Variants in TPPP observed in about 807,000 individuals in gnomAD.
The protein encoded by TPPP is tubulin polymerization-promoting protein.
A neutral mutation model predicts 15.5 loss-of-function variants in TPPP; 6 were observed. The ratio of observed to expected loss-of-function variants is 0.39; its 90% CI spans 0.21 to 0.77. The LOEUF is 0.77. Among genes scored for constraint, TPPP ranks in the 30% least tolerant of loss-of-function variants. The pLI, the probability that TPPP is intolerant of heterozygous loss-of-function variation, is 0.42. For synonymous variants in TPPP, 146 were observed against 133.9 expected (o/e 1.09, Z -0.63); for missense variants, 269 against 307.2 (o/e 0.88, Z 0.93).
chr5:665,140 C>A lies in TPPP; in HGVS notation c.622G>T (p.Ala208Ser). The change falls in exon 4 of 4, where the codon GCA becomes TCA. Residue 208 changes from alanine (A) to serine (S), a missense_variant. Physicochemically the swap from Ala to Ser is moderately conservative, Grantham distance 99. Coordinates refer to ENST00000360578, the MANE Select transcript of TPPP (RefSeq NM_007030.3). ...TGCACCTTCTGGTCGTAGGTGCCTG[C>A]GTGCTTGTAGCCGGACACATAGCCT... ...ESGYVSGYKH[A>S]GTYDQKVQGG... is the part of the protein sequence containing the mutation. The A allele has an allele frequency of 6.2e-7, 1 of 1,612,834 alleles. No individual in the cohort carries two copies. Among genetic ancestry groups the A allele is most frequent in the African/African-American group, 1.3e-5 (1 of 75,058 alleles).
intron 2 of TPPP, among the ~76,000 whole-genome samples, chr5:674,266 T>A (rs1740328272): frequency 6.6e-6 from 1 of 150,804 alleles, no homozygotes; most frequent in South Asian, 2.1e-4. Context: ...CGCCCGAGCC[T>A]GCTGAGGAGC....
At chr5:672,067 C>A (rs1740241952) in intron 2 of TPPP, among the ~76,000 whole-genome samples, 1 of 152,252 alleles carries the variant, frequency 6.6e-6, no homozygotes, top group Non-Finnish European at 1.5e-5. Flanking sequence ...ACACTGTGAC[C>A]TGGATTCTCT....
upstream of TPPP, among the ~76,000 whole-genome samples, chr5:698,322 G>A (rs1342548059): frequency 6.6e-6 from 1 of 152,022 alleles, no homozygotes; most frequent in African/African-American, 2.4e-5. Context: ...AGAGCAATCA[G>A]GCAAGAGAAA....
intron 2 of TPPP, among the ~76,000 whole-genome samples, 162 bp from the exon 3 acceptor site, chr5:666,285 A>G (rs982299276): frequency 6.6e-6 from 1 of 152,168 alleles, no homozygotes; most frequent in Non-Finnish European, 1.5e-5. Context: ...CTGTCTTGGA[A>G]GAAAGCTTGG....
chr5:665,525 G>A (rs2126864668), intron 3 of TPPP, among the ~76,000 whole-genome samples: 1 of 152,172 alleles, frequency 6.6e-6, no homozygotes, highest in East Asian at 1.9e-4. Context: ...TCCACCTGGT[G>A]TTTATGTAGT....
intron 2 of TPPP, among the ~76,000 whole-genome samples, chr5:666,627 C>T (rs1739927609): frequency 1.3e-5 from 2 of 152,232 alleles, no homozygotes; most frequent in African/African-American, 4.8e-5. Flanking sequence ...GGCTCCAAAA[C>T]CCGCCAGGCG....
chr5:673,293 T>C (rs413666), intron 2 of TPPP, among the ~76,000 whole-genome samples: 78,667 of 151,942 alleles, frequency 0.52, 20,501 homozygotes, highest in East Asian at 0.58. Flanking sequence ...TTTAGGCCCC[T>C]TGCTGCTGTA....
At chr5:670,688 G>A (rs925284981) in intron 2 of TPPP, among the ~76,000 whole-genome samples, 8 of 152,144 alleles carry the variant, frequency 5.3e-5, no homozygotes, top group South Asian at 2.1e-4. Flanking sequence ...CAGTGGTCCC[G>A]TTCCAGCAGG....
In TPPP at chr5:665,073, C is replaced by A; in HGVS notation, c.*29G>T. On this transcript the variant is annotated 3_prime_UTR_variant, in exon 4 of 4. Transcript: ENST00000360578. ...GACAGAGTCCCTGCTCTGGGGACAC[C>A]GGCAGTGCCGCGAGGCATGGAGCGG... 6.3e-7 allele frequency: 1 copy of A among 1,596,754 alleles called. No homozygotes were observed. Among genetic ancestry groups the A allele is most frequent in the Non-Finnish European group, 8.5e-7 (1 of 1,175,488 alleles).
chr5:670,489 C>T (rs1388169048), intron 2 of TPPP, among the ~76,000 whole-genome samples: 1 of 152,096 alleles, frequency 6.6e-6, no homozygotes, highest in Non-Finnish European at 1.5e-5. Context: ...AGGGCACCAA[C>T]CTCTGGGATC....
In TPPP at chr5:677,846, T is replaced by C; in HGVS notation, c.215A>G (p.His72Arg). 1 of 1,612,596 alleles carries C rather than the reference T, an allele frequency of 6.2e-7. No individual in the cohort carries two copies. The change falls in exon 2 of 4, where the codon CAC (histidine) becomes CGC (arginine). Residue 72 changes from histidine (H) to arginine (R), a missense_variant. By Grantham distance (29) the His-to-Arg change is conservative. Coordinates refer to ENST00000360578, the MANE Select transcript of TPPP (RefSeq NM_007030.3). ...GCACAGCTTCGACCAGTTCTTGCCG[T>C]GCATCTCCCTCCCGGTGGCCCTGGC... ...GDARATGREM[H>R]GKNWSKLCKD...
Position 664,813 on chromosome 5 carries a change from C to T in TPPP, c.*289G>A, listed in dbSNP as rs1441662291. 6 of 389,776 alleles carry T rather than the reference C, an allele frequency of 1.5e-5. No individual in the cohort carries two copies. Among genetic ancestry groups the T allele is most frequent in the Non-Finnish European group, 2.8e-5 (6 of 214,014 alleles). 24.1% of individuals were successfully genotyped at this position (389,776 alleles called of 1,614,324 possible). A position where few individuals can be genotyped will look rare whatever the true frequency, so the allele number is the denominator to read the frequency against. ...AAACGCCCCTTTGACCTGCAAACCA[C>T]GTGCCCAGTGTGGTGTGATCCGCGA... On this transcript the variant is annotated 3_prime_UTR_variant, in exon 4 of 4. Coordinates refer to ENST00000360578, the MANE Select transcript of TPPP (RefSeq NM_007030.3).
At chr5:683,600 C>A (rs1424585847) in intron 1 of TPPP, among the ~76,000 whole-genome samples, 6 of 152,222 alleles carry the variant, frequency 3.9e-5, no homozygotes, top group Non-Finnish European at 8.8e-5. Context: ...CTGCAGGATG[C>A]CCCTGGCAGG....
At chr5:684,209 A>G (rs1281088893) in intron 1 of TPPP, among the ~76,000 whole-genome samples, 1 of 152,202 alleles carries the variant, frequency 6.6e-6, no homozygotes, top group Admixed American at 6.5e-5. Flanking sequence ...GTGCTCCATC[A>G]TGACCTGGCC....
At position 662,955 on chromosome 5, in the gene TPPP, C is replaced by T. The variant is rs1739710178; in HGVS notation, c.*2147G>A. ...TGTGATCGGGTGAGTCCGATGACTG[C>T]TCGTCTGTGATCGGGTGATTCCGAT... On this transcript the variant is annotated 3_prime_UTR_variant, in exon 4 of 4. Transcript: ENST00000360578. The T allele has an allele frequency of 6.6e-6, 1 of 151,566 alleles. No homozygotes were observed. Among genetic ancestry groups the T allele is most frequent in the Non-Finnish European group, 1.4e-5 (1 of 69,270 alleles). The allele number at this position is 151,566 out of a possible 1,614,324, so 9.4% of individuals were successfully genotyped here.
At position 676,930 on chromosome 5, in the gene TPPP, G is replaced by A. The variant is rs539483996; in HGVS notation, c.311+820C>T. Among the ~76,000 whole-genome samples, 7 of 141,568 alleles carry A rather than the reference G, an allele frequency of 4.9e-5. 1 individual carries two copies. The South Asian group carries it at 1.5e-3, about 31-fold the overall frequency. The allele number at this position is 141,568 out of a possible 152,430, so 92.9% of individuals were successfully genotyped here. ...GCGCATACACGACGCAGAAACGCACGCGCGCACACGACGCAGAAACGCGCA... is the reference window on the plus strand; with the variant it reads ...GCGCATACACGACGCAGAAACGCACACGCGCACACGACGCAGAAACGCGCA... On this transcript the variant is annotated intron_variant, in intron 2 of 3. Transcript: ENST00000360578.
rs1397728710 is a variant in TPPP at position 693,265 on chromosome 5, C to G, written c.-5+13G>C. On this transcript the variant is annotated intron_variant, in intron 1 of 3. Coordinates refer to ENST00000360578, the MANE Select transcript of TPPP (RefSeq NM_007030.3). ...GCGCCGCGCCCGCGGGACCGAGCCC[C>G]GCGCCCGCTTACCTTGGAGACGCAG... 1 of 150,152 alleles carries G rather than the reference C, an allele frequency of 6.7e-6. No homozygotes were observed. The highest frequency in any genetic ancestry group is 1.5e-5 in the Non-Finnish European group (1 of 67,150). The allele number at this position is 150,152 out of a possible 1,614,324, so 9.3% of individuals were successfully genotyped here. A position where few individuals can be genotyped will look rare whatever the true frequency, so the allele number is the denominator to read the frequency against.
chr5:665,465 T>G (rs1739857639), intron 3 of TPPP, 169 bp from the exon 4 acceptor site: 2 of 677,384 alleles, frequency 3.0e-6, no homozygotes, highest in Admixed American at 5.9e-5. Flanking sequence ...CTCCTGACCC[T>G]GGGGCAGCCT....
At position 664,629 on chromosome 5, in the gene TPPP, C is replaced by T. The variant is rs751670828; in HGVS notation, c.*473G>A. On this transcript the variant is annotated 3_prime_UTR_variant, in exon 4 of 4. Transcript: ENST00000360578. The stretch of plus-strand genomic sequence containing the variant: ...TGTCCGCTGCACACAGGACAGGCCT[C>T]GGGCCCCACAGACACCTCCCACGTC... 8.7e-5 allele frequency: 15 copies of T among 172,424 alleles called. No individual in the cohort carries two copies. Among genetic ancestry groups the T allele is most frequent in the East Asian group, 1.7e-4 (1 of 5,980 alleles). The allele number at this position is 172,424 out of a possible 1,614,324, so 10.7% of individuals were successfully genotyped here.
Sources: allele counts gnomAD v4.1 joint callset (sites outside exome capture counted in the v4.1 genomes callset), GRCh38; gene constraint gnomAD v4.1.1; transcripts MANE v1.5; gene names NCBI Gene and HGNC (gene_info 2026-07-23, HGNC 2026-07-21).